CDCA3: variants seen among roughly 807,000 people sequenced by gnomAD.
The protein encoded by CDCA3 is cell division cycle associated 3.
CDCA3 carries 16 observed loss-of-function variants against 29.1 expected under a neutral mutation model. That is an observed-to-expected ratio of 0.55 (90% CI 0.37 to 0.83). The LOEUF (loss-of-function observed/expected upper bound fraction) is 0.83. CDCA3 is among the 40% of genes least tolerant of loss of function. The pLI is 0.00. For synonymous variants in CDCA3, 88 were observed against 124.5 expected (o/e 0.71, Z 1.95); for missense variants, 291 against 327.2 (o/e 0.89, Z 0.85).
In CDCA3 at chr12:6,849,076, C is replaced by G. The variant is rs1555125514; in HGVS notation, c.774G>C (p.Lys258Asn). Residue 258 changes from lysine (K) to asparagine (N), a missense_variant, in exon 6 of 6, where the codon AAG (lysine) becomes AAC (asparagine). Transcript: ENST00000538862. The surrounding 1 kb of genome is among the most constrained non-coding windows in gnomAD (Gnocchi z 5.2). Reference protein sequence around the residue: ...RAWEQGQDHDKENQHFPLVES With the variant: ...RAWEQGQDHDNENQHFPLVES ...CCACCAAGGGAAAGTGCTGATTTTCCTTGTCATGGTCCTGGCCTTGCTCCC... is the reference window on the plus strand; with the variant it reads ...CCACCAAGGGAAAGTGCTGATTTTCGTTGTCATGGTCCTGGCCTTGCTCCC... The G allele has an allele frequency of 7.8e-7, 1 of 1,281,180 alleles. No individual in the cohort carries two copies. The highest frequency in any genetic ancestry group is 1.1e-6 in the Non-Finnish European group (1 of 876,078). The allele number at this position is 1,281,180 out of a possible 1,614,324, so 79.4% of individuals were successfully genotyped here.
downstream of CDCA3, chr12:6,848,513 A>G (rs1555125299): frequency 6.6e-6 from 1 of 152,602 alleles, no homozygotes; most frequent in African/African-American, 2.4e-5. Flanking sequence ...GGAAGAGGGA[A>G]TGAGGAATAG....
Position 6,849,294 on chromosome 12 carries a change from G to A in CDCA3, c.651+29C>T. 6.3e-7 allele frequency: 1 copy of A among 1,595,140 alleles called. No individual in the cohort carries two copies. Among genetic ancestry groups the A allele is most frequent in the Non-Finnish European group, 8.6e-7 (1 of 1,169,190 alleles). On this transcript the variant is annotated intron_variant, in intron 5 of 5. Transcript: ENST00000538862. The surrounding 1 kb of genome is among the most constrained non-coding windows in gnomAD (Gnocchi z 5.2). ...CCCACCCTCTACGTTGGATATCCTA[G>A]TAACAGCTTGCACTTTCTCTTCCTT... is the stretch of plus-strand genomic sequence containing the variant.
rs916665171 is a variant in CDCA3 at position 6,850,163 on chromosome 12, G to T, written c.250+304C>A. On this transcript the variant is annotated intron_variant, in intron 3 of 5. Transcript: ENST00000538862. This position sits in a 1 kb window ranked among gnomAD's most constrained non-coding sequence, Gnocchi z 4.7. Reference sequence around the variant, plus strand: ...CACAGGCCCATGCCACCGTGCTTTTGTGTGTGTGTGTGTGTGTTATGTGTG... The same window carrying T: ...CACAGGCCCATGCCACCGTGCTTTTTTGTGTGTGTGTGTGTGTTATGTGTG... The T allele has an allele frequency of 5.9e-6, 2 of 340,492 alleles. No homozygotes were observed. The highest frequency in any genetic ancestry group is 3.8e-5 in the South Asian group (1 of 26,212). 21.1% of individuals were successfully genotyped at this position (340,492 alleles called of 1,614,324 possible). A position where few individuals can be genotyped will look rare whatever the true frequency, so the allele number is the denominator to read the frequency against.
In CDCA3 at chr12:6,850,008, T is replaced by C. The variant is rs149092493; in HGVS notation, c.251-150A>G. 696 of 667,120 alleles carry C rather than the reference T, an allele frequency of 1.0e-3. 9 individuals carry two copies. In the African/African-American group the frequency reaches 0.012, roughly 12 times the overall value. 41.3% of individuals were successfully genotyped at this position (667,120 alleles called of 1,614,324 possible). ...AAATCAAGGTGAAAGGGAGCAATTT[T>C]TTTTTTTTTTGAGATGGGGCTTGCT... On this transcript the variant is annotated intron_variant, in intron 3 of 5. Transcript: ENST00000538862. The surrounding 1 kb of genome is among the most constrained non-coding windows in gnomAD (Gnocchi z 4.7).
downstream of CDCA3, chr12:6,846,018 A>G: frequency 1.8e-6 from 1 of 552,704 alleles, no homozygotes; most frequent in Non-Finnish European, 3.3e-6. Context: ...CCACTGCCCA[A>G]TGCCATGACT....
chr12:6,849,307 C>G lies in CDCA3; in HGVS notation c.651+16G>C. 1.9e-6 allele frequency: 3 copies of G among 1,593,556 alleles called. No homozygotes were observed. Among genetic ancestry groups the G allele is most frequent in the Non-Finnish European group, 1.7e-6 (2 of 1,168,928 alleles). ...TTGGATATCCTAGTAACAGCTTGCA[C>G]TTTCTCTTCCTTTACCTGTCGTAGT... On this transcript the variant is annotated intron_variant, in intron 5 of 5. Coordinates refer to ENST00000538862, the MANE Select transcript of CDCA3 (RefSeq NM_031299.7). This position sits in a 1 kb window ranked among gnomAD's most constrained non-coding sequence, Gnocchi z 5.2.
At position 6,849,140 on chromosome 12, in the gene CDCA3, A is replaced by G. The variant is rs782638944; in HGVS notation, c.710T>C (p.Leu237Pro). 2 of 1,611,880 alleles carry G rather than the reference A, an allele frequency of 1.2e-6. No homozygotes were observed. The highest frequency in any genetic ancestry group is 1.1e-5 in the South Asian group (1 of 91,024). The change falls in exon 6 of 6, where the codon CTT becomes CCT. Residue 237 changes from leucine to proline, a missense_variant. Coordinates refer to ENST00000538862, the MANE Select transcript of CDCA3 (RefSeq NM_031299.7). The surrounding 1 kb of genome is among the most constrained non-coding windows in gnomAD (Gnocchi z 5.2). ...AGTTTTCAGAAGTCGTCCAGTTCCA[A>G]GAATGGCTCCTTCCTTTAGTTCACT... is the stretch of plus-strand genomic sequence containing the variant. ...NVSELKEGAI[L>P]GTGRLLKTGG...
downstream of CDCA3, chr12:6,845,257 C>T (rs368658113): frequency 2.5e-5 from 8 of 316,128 alleles, no homozygotes; most frequent in East Asian, 1.3e-4. Context: ...CTGATCCAGC[C>T]CACTTGTGTA....
intron 1 of CDCA3, 86 bp from the exon 2 acceptor site, chr12:6,851,095 TGAA>T: frequency 7.1e-7 from 1 of 1,417,546 alleles, no homozygotes; most frequent in South Asian, 1.5e-5. Flanking sequence ...CAGTTTCCAG[TGAA>T]GAAACTTCCT....
In CDCA3 at chr12:6,850,299, T is replaced by G; in HGVS notation, c.250+168A>C. 33 of 903,162 alleles carry G rather than the reference T, an allele frequency of 3.7e-5. No homozygotes were observed. Among genetic ancestry groups the G allele is most frequent in the Non-Finnish European group, 5.2e-5 (31 of 593,154 alleles). The allele number at this position is 903,162 out of a possible 1,614,324, so 55.9% of individuals were successfully genotyped here. A position where few individuals can be genotyped will look rare whatever the true frequency, so the allele number is the denominator to read the frequency against. On this transcript the variant is annotated intron_variant, in intron 3 of 5. Transcript: ENST00000538862. The surrounding 1 kb of genome is among the most constrained non-coding windows in gnomAD (Gnocchi z 4.7). ...TTCCAACGTGCTGGGATTACAGGCATGAGCCACCGCACCCAGGCTGGGAAC... is the reference window on the plus strand; with the variant it reads ...TTCCAACGTGCTGGGATTACAGGCAGGAGCCACCGCACCCAGGCTGGGAAC...
chr12:6,847,145 G>A (rs1009901914), downstream of CDCA3: 21 of 472,708 alleles, frequency 4.4e-5, no homozygotes, highest in African/African-American at 3.7e-4. Flanking sequence ...CTCCCTTAAT[G>A]AGCAAGGACA....
downstream of CDCA3, chr12:6,845,726 C>T (rs1555124514): frequency 8.7e-6 from 14 of 1,614,028 alleles, no homozygotes; most frequent in Admixed American, 1.7e-5. Flanking sequence ...CCTTCTCCCT[C>T]AGTGGCCGCC....
Position 6,850,915 on chromosome 12 carries a change from C to T in CDCA3, c.38G>A (p.Arg13Gln), listed in dbSNP as rs1943858706. 1 of 1,612,726 alleles carries T rather than the reference C, an allele frequency of 6.2e-7. No individual in the cohort carries two copies. The highest frequency in any genetic ancestry group is 2.2e-5 in the East Asian group (1 of 44,868). The change falls in exon 2 of 6, where the codon CGG becomes CAG. Residue 13 changes from arginine to glutamine, a missense_variant. Coordinates refer to ENST00000538862, the MANE Select transcript of CDCA3 (RefSeq NM_031299.7). The surrounding 1 kb of genome is among the most constrained non-coding windows in gnomAD (Gnocchi z 4.7). ...SAKSVPVTPA[R>Q]PPPHNKHLAR... ...CAGATGCTTGTTGTGCGGCGGAGGC[C>T]GCGCTGGTGTGACTGGGACGCTCTT... is the stretch of plus-strand genomic sequence containing the variant.
rs1304893857 is a variant in CDCA3 at position 6,851,001 on chromosome 12, A to G, written c.-49T>C. 6.3e-7 allele frequency: 1 copy of G among 1,579,100 alleles called. No homozygotes were observed. The highest frequency in any genetic ancestry group is 1.3e-5 in the African/African-American group (1 of 74,584). ...GGGCAAGGGCCAGCCCGGGACGAGG[A>G]GGGAATGCCTGTGAGAAGTGACTCA... is the stretch of plus-strand genomic sequence containing the variant. On this transcript the variant is annotated 5_prime_UTR_variant, in exon 2 of 6. Transcript: ENST00000538862.
At chr12:6,847,848 G>A (rs1316526370), downstream of CDCA3, among the ~76,000 whole-genome samples, 2 of 152,182 alleles carry the variant, frequency 1.3e-5, no homozygotes, top group Non-Finnish European at 2.9e-5. Context: ...GTAGGAGGCA[G>A]GTGGCAAGAA....
chr12:6,846,966 AT>A (rs1241604940), downstream of CDCA3: 8 of 863,630 alleles, frequency 9.3e-6, no homozygotes, highest in Non-Finnish European at 1.1e-5. Context: ...ACCCCATCTC[AT>A]TCAGGTGTTC....
chr12:6,845,895 G>C, downstream of CDCA3: 2 of 865,036 alleles, frequency 2.3e-6, no homozygotes, highest in Non-Finnish European at 1.9e-6. Context: ...CTCCCATTTC[G>C]GACTCTCTTA....
downstream of CDCA3, chr12:6,844,850 T>C (rs968869538): frequency 6.6e-6 from 1 of 152,278 alleles, no homozygotes; most frequent in Non-Finnish European, 1.5e-5. Flanking sequence ...GCAGACATCA[T>C]GTTTCTTTAC....
chr12:6,845,812 A>G, downstream of CDCA3: 1 of 1,595,178 alleles, frequency 6.3e-7, no homozygotes, highest in Non-Finnish European at 8.6e-7. Context: ...GGTAAGGGCC[A>G]GCCCTGGCTG....
Sources: allele counts gnomAD v4.1 joint callset (sites outside exome capture counted in the v4.1 genomes callset), GRCh38; gene constraint gnomAD v4.1.1; non-coding constraint Gnocchi (gnomAD v3.1); transcripts MANE v1.5; gene names NCBI Gene and HGNC (gene_info 2026-07-23, HGNC 2026-07-21).